CTDP1: variants seen among roughly 807,000 people sequenced by gnomAD.
CTDP1 encodes RNA polymerase II subunit A C-terminal domain phosphatase.
A neutral mutation model predicts 91.8 loss-of-function variants in CTDP1; 47 were observed. That is an observed-to-expected ratio of 0.51 (90% CI 0.41 to 0.65). The LOEUF is 0.65. Among genes scored for constraint, CTDP1 ranks in the 30% least tolerant of loss-of-function variants. The pLI is 0.00. For missense variants in CTDP1, 1,272 were observed against 1,373.7 expected (o/e 0.93, Z 1.17); for synonymous variants, 656 against 598.5 (o/e 1.10, Z -1.40).
At chr18:79,748,637 C>T (rs146230248) in intron 12 of CTDP1, among the ~76,000 whole-genome samples, 110 of 152,362 alleles carry the variant, frequency 7.2e-4, no homozygotes, top group African/African-American at 2.4e-3. Context: ...GGAAGAAGCA[C>T]TTAGCACAGC....
chr18:79,735,223 C>T (rs988998556), intron 11 of CTDP1, among the ~76,000 whole-genome samples: 4 of 152,282 alleles, frequency 2.6e-5, no homozygotes, highest in South Asian at 2.1e-4. Flanking sequence ...GTACCTGCTG[C>T]GGGGGTGGGG....
intron 11 of CTDP1, among the ~76,000 whole-genome samples, chr18:79,729,366 G>A (rs1167322665): frequency 6.6e-6 from 1 of 152,220 alleles, no homozygotes; most frequent in Admixed American, 6.5e-5. Flanking sequence ...CAGCCCCTCC[G>A]GCTCTCCCGG....
intron 12 of CTDP1, among the ~76,000 whole-genome samples, chr18:79,753,039 C>T (rs1262591295): frequency 5.6e-4 from 70 of 124,036 alleles, no homozygotes; most frequent in Non-Finnish European, 8.7e-4. Context: ...CTAGTGGCAC[C>T]GGCTGGTTAT....
At chr18:79,724,913 G>C (rs933572439) in intron 10 of CTDP1, among the ~76,000 whole-genome samples, 1 of 152,174 alleles carries the variant, frequency 6.6e-6, no homozygotes, top group Non-Finnish European at 1.5e-5. Flanking sequence ...GCAGCGTCTC[G>C]AGGGCACTCA....
At position 79,710,528 on chromosome 18, in the gene CTDP1, T is replaced by C. The variant is rs190778724; in HGVS notation, c.863+92T>C. On this transcript the variant is annotated intron_variant, in intron 6 of 12. Transcript: ENST00000613122. ...TGAAATTTAGAGCAGTATTTCTTTT[T>C]TTCTTTTTTTTTGAGACGGAGTCTT... is the stretch of plus-strand genomic sequence containing the variant. 1.0e-3 allele frequency: 1,069 copies of C among 1,041,472 alleles called. 3 individuals are homozygous for C. The African/African-American group carries it at 0.012, about 11-fold the overall frequency. The allele number at this position is 1,041,472 out of a possible 1,614,324, so 64.5% of individuals were successfully genotyped here. A position where few individuals can be genotyped will look rare whatever the true frequency, so the allele number is the denominator to read the frequency against.
At chr18:79,677,397 G>A (rs923146300), upstream of CTDP1, 1 of 152,270 alleles carries the variant, frequency 6.6e-6, no homozygotes, top group Non-Finnish European at 1.5e-5. Context: ...AAGACTTACG[G>A]ACAGAAAAGG....
intron 1 of CTDP1, among the ~76,000 whole-genome samples, chr18:79,695,016 A>C (rs1446481438): frequency 6.6e-6 from 1 of 152,006 alleles, no homozygotes. Flanking sequence ...GTGGCGTGTC[A>C]TTTTTCATGA....
intron 7 of CTDP1, among the ~76,000 whole-genome samples, chr18:79,714,104 T>C (rs967361636): frequency 1.3e-5 from 2 of 151,878 alleles, no homozygotes; most frequent in Admixed American, 1.3e-4. Context: ...TGGCGCCAGG[T>C]CTGCAGCCCG....
chr18:79,695,213 G>GT lies in CTDP1; in HGVS notation c.315-5dup, dbSNP rs748726953. On this transcript the variant is annotated splice_polypyrimidine_tract_variant and intron_variant, in intron 1 of 12. Coordinates refer to ENST00000613122, the MANE Select transcript of CTDP1 (RefSeq NM_004715.5). ...GATTTTAAAGTGTTGTTCCCCTTGT[G>GT]TTTTTTTGTAGAGCGGTTCTGGTGA... 5 of 1,613,428 alleles carry GT rather than the reference G, an allele frequency of 3.1e-6. No individual in the cohort carries two copies. Among genetic ancestry groups the GT allele is most frequent in the Admixed American group, 3.3e-5 (2 of 60,014 alleles).
At chr18:79,698,391 AG>A (rs2085790253) in intron 4 of CTDP1, among the ~76,000 whole-genome samples, 2 of 152,210 alleles carry the variant, frequency 1.3e-5, no homozygotes, top group South Asian at 4.2e-4. Context: ...TGTCAAGGGC[AG>A]GTGGACGCCT....
At chr18:79,737,979 G>A (rs2086699227) in intron 12 of CTDP1, among the ~76,000 whole-genome samples, 1 of 152,046 alleles carries the variant, frequency 6.6e-6, no homozygotes, top group Non-Finnish European at 1.5e-5. Flanking sequence ...ATCCCTGGCT[G>A]CCTCTCCGCT....
chr18:79,718,478 G>A (rs1352107110), intron 10 of CTDP1, among the ~76,000 whole-genome samples: 9 of 152,166 alleles, frequency 5.9e-5, no homozygotes, highest in Admixed American at 4.6e-4. Context: ...TGGCAGTGGC[G>A]GCTGGTAAAC....
At chr18:79,721,478 A>AT (rs886086453) in intron 10 of CTDP1, among the ~76,000 whole-genome samples, 1 of 152,176 alleles carries the variant, frequency 6.6e-6, no homozygotes, top group Non-Finnish European at 1.5e-5. Context: ...GGCAGGACAG[A>AT]TACGTGCACT....
At chr18:79,738,112 C>T (rs890427607) in intron 12 of CTDP1, among the ~76,000 whole-genome samples, 1 of 147,594 alleles carries the variant, frequency 6.8e-6, no homozygotes, top group African/African-American at 2.5e-5. Context: ...TGGAGTACAT[C>T]TCCCAGAAGC....
chr18:79,707,956 C>T (rs917198444), intron 5 of CTDP1, among the ~76,000 whole-genome samples: 2 of 152,168 alleles, frequency 1.3e-5, no homozygotes, highest in Admixed American at 6.5e-5. Flanking sequence ...ATAGTAGAGA[C>T]GCTAATAATT....
intron 12 of CTDP1, among the ~76,000 whole-genome samples, chr18:79,741,512 A>G (rs74954741): frequency 0.044 from 6,762 of 152,350 alleles, 226 homozygotes; most frequent in South Asian, 0.16. Flanking sequence ...GACAGAGACA[A>G]CAGCTGATGA....
intron 12 of CTDP1, among the ~76,000 whole-genome samples, chr18:79,743,779 C>T (rs1416244754): frequency 6.6e-6 from 1 of 152,292 alleles, no homozygotes; most frequent in East Asian, 1.9e-4. Context: ...ATGCTAAACC[C>T]AAGAGCAGAA....
At chr18:79,694,482 C>CGGCCTCT (rs2085703975) in intron 1 of CTDP1, among the ~76,000 whole-genome samples, 1 of 137,440 alleles carries the variant, frequency 7.3e-6, no homozygotes, top group Non-Finnish European at 1.6e-5. Flanking sequence ...GAGTGCTGGG[C>CGGCCTCT]GGTCTCATGT....
chr18:79,707,601 G>A (rs1003880293), intron 5 of CTDP1, among the ~76,000 whole-genome samples: 7 of 152,240 alleles, frequency 4.6e-5, no homozygotes, highest in African/African-American at 1.7e-4. Flanking sequence ...ACCAGACGAA[G>A]ACATCACAAG....
Sources: gnomAD v4.1 joint callset for allele counts (sites outside exome capture counted in the v4.1 genomes callset) on GRCh38, gnomAD v4.1.1 for gene constraint, MANE v1.5 for transcripts, NCBI Gene and HGNC (gene_info 2026-07-23, HGNC 2026-07-21) for gene names.